The following DISP1 variants were observed in gnomAD, a reference collection of about 807,000 sequenced individuals.
DISP1 encodes the protein protein dispatched homolog 1.
DISP1 carries 30 observed loss-of-function variants against 37.3 expected under a neutral mutation model. That is an observed-to-expected ratio of 0.80 (90% confidence interval 0.60 to 1.09). DISP1 has a LOEUF of 1.09. Among genes scored for constraint, DISP1 ranks in the 50% least tolerant of loss-of-function variants. The probability of loss-of-function intolerance (pLI) is 0.00; values close to 1 mark genes in which losing one functional copy is unlikely to be tolerated. For synonymous variants in DISP1, 634 were observed against 690.2 expected, an observed-to-expected ratio of 0.92 and a Z score of 1.28; for missense variants, 1,598 against 1,879.5, an observed-to-expected ratio of 0.85 and a Z score of 2.77.
At chr1:222,983,206 C>T in intron 4 of DISP1, 97 bp downstream of exon 4, 2 of 959,266 alleles carry the variant, frequency 2.1e-6, no homozygotes, top group Non-Finnish European at 3.3e-6. Flanking sequence ...TTTTCACTTT[C>T]CTCATTCATA....
intron 4 of DISP1, among the ~76,000 whole-genome samples, chr1:222,985,823 T>C (rs1253909231): frequency 1.3e-5 from 2 of 152,198 alleles, no homozygotes; most frequent in East Asian, 3.8e-4. Context: ...TAATGCTAAT[T>C]GTTGGATGAA....
chr1:222,834,574 G>A (rs1666555786), intron 1 of DISP1, among the ~76,000 whole-genome samples: 1 of 152,116 alleles, frequency 6.6e-6, no homozygotes. Context: ...GACAGGTAGG[G>A]CACACTAAGC....
At chr1:222,931,479 G>A (rs927401472) in intron 2 of DISP1, among the ~76,000 whole-genome samples, 1 of 151,864 alleles carries the variant, frequency 6.6e-6, no homozygotes, top group Non-Finnish European at 1.5e-5. Flanking sequence ...CGCCCATTTT[G>A]TGATTTTAGT....
At chr1:222,923,677 TTTCCAGTGGAGAA>T (rs1672930925) in intron 1 of DISP1, among the ~76,000 whole-genome samples, 1 of 152,128 alleles carries the variant, frequency 6.6e-6, no homozygotes, top group Non-Finnish European at 1.5e-5. Context: ...CTTGTGGAGA[TTTCCAGTGGAGAA>T]TCTATGATAG....
chr1:222,874,511 G>A (rs912617489), intron 1 of DISP1, among the ~76,000 whole-genome samples: 8 of 151,028 alleles, frequency 5.3e-5, no homozygotes, highest in African/African-American at 1.5e-4. Context: ...CATTCATTTC[G>A]TCTTCCATCA....
chr1:222,978,928 G>C (rs1024620773), intron 3 of DISP1, among the ~76,000 whole-genome samples: 3 of 152,194 alleles, frequency 2.0e-5, no homozygotes, highest in Non-Finnish European at 4.4e-5. Context: ...CTGTAGCCTT[G>C]TAGTATAGTT....
At chr1:222,832,518 T>C (rs1666011725) in intron 1 of DISP1, among the ~76,000 whole-genome samples, 1 of 152,230 alleles carries the variant, frequency 6.6e-6, no homozygotes, top group African/African-American at 2.4e-5. Context: ...GTTTTTTAGT[T>C]GAGACCTTTT....
intron 1 of DISP1, among the ~76,000 whole-genome samples, chr1:222,928,032 G>C (rs1426938488): frequency 6.6e-6 from 1 of 152,182 alleles, no homozygotes; most frequent in Non-Finnish European, 1.5e-5. Context: ...GTTTATTTGT[G>C]TTATTTTAAA....
At chr1:222,835,973 A>AT (rs1572278343) in intron 1 of DISP1, among the ~76,000 whole-genome samples, 3 of 150,980 alleles carry the variant, frequency 2.0e-5, no homozygotes, top group South Asian at 4.2e-4. Flanking sequence ...AAAAAAAAAA[A>AT]TTGAGCTTAA....
chr1:222,989,170 C>T (rs1056635927), intron 4 of DISP1, among the ~76,000 whole-genome samples: 2 of 151,984 alleles, frequency 1.3e-5, no homozygotes, highest in Admixed American at 6.6e-5. Flanking sequence ...ACATTTAGAG[C>T]CACCAGAATT....
At chr1:222,856,071 T>A (rs1388033155) in intron 1 of DISP1, among the ~76,000 whole-genome samples, 1 of 152,214 alleles carries the variant, frequency 6.6e-6, no homozygotes, top group Non-Finnish European at 1.5e-5. Flanking sequence ...ATCACTATCA[T>A]TTATTTTTTA....
At chr1:222,888,750 A>G (rs1214460643) in intron 1 of DISP1, among the ~76,000 whole-genome samples, 1 of 152,166 alleles carries the variant, frequency 6.6e-6, no homozygotes, top group Non-Finnish European at 1.5e-5. Flanking sequence ...TAGAACAATT[A>G]AAATGCAAGG....
intron 1 of DISP1, among the ~76,000 whole-genome samples, chr1:222,865,591 G>GTA (rs1669138613): frequency 6.6e-6 from 1 of 152,124 alleles, no homozygotes; most frequent in South Asian, 2.1e-4. Flanking sequence ...GCAAAGTTCT[G>GTA]TATATATAAG....
chr1:222,959,834 C>T (rs1235255969), intron 3 of DISP1, among the ~76,000 whole-genome samples: 3 of 148,988 alleles, frequency 2.0e-5, no homozygotes, highest in Admixed American at 6.7e-5. Context: ...AGTTGCAATC[C>T]TAGTCTCTGA....
intron 1 of DISP1, among the ~76,000 whole-genome samples, chr1:222,919,481 C>G (rs149799960): frequency 0.021 from 3,204 of 152,262 alleles, 108 homozygotes; most frequent in African/African-American, 0.072. Context: ...TGTAGAAGCT[C>G]AGGGCTGCTG....
At chr1:222,894,542 G>C (rs1384381327) in intron 1 of DISP1, among the ~76,000 whole-genome samples, 1 of 152,234 alleles carries the variant, frequency 6.6e-6, no homozygotes, top group South Asian at 2.1e-4. Flanking sequence ...GCGAGTGCTG[G>C]GAGCAGGGAG....
chr1:222,955,493 G>C (rs140585725), intron 3 of DISP1, among the ~76,000 whole-genome samples: 2 of 152,172 alleles, frequency 1.3e-5, no homozygotes, highest in Admixed American at 1.3e-4. Context: ...TTGTACTTCC[G>C]ACTTTGAATT....
chr1:222,992,793 C>T (rs574758345), intron 7 of DISP1, among the ~76,000 whole-genome samples: 7 of 151,412 alleles, frequency 4.6e-5, no homozygotes, highest in Non-Finnish European at 7.4e-5. Context: ...TACTTAGCCG[C>T]GACAAAAGAT....
intron 3 of DISP1, among the ~76,000 whole-genome samples, chr1:222,979,457 G>A (rs1476376644): frequency 1.3e-5 from 2 of 152,062 alleles, no homozygotes; most frequent in South Asian, 4.1e-4. Context: ...ATTTATAGTT[G>A]TAGTGATGGT....
Sources: gnomAD v4.1 joint callset for allele counts (sites outside exome capture counted in the v4.1 genomes callset) on GRCh38, gnomAD v4.1.1 for gene constraint, MANE v1.5 for transcripts, NCBI Gene and HGNC (gene_info 2026-07-23, HGNC 2026-07-21) for gene names.